The following TMEM163 variants were observed in gnomAD, a reference collection of about 807,000 sequenced individuals.
TMEM163 encodes the protein transmembrane protein 163.
Under a neutral mutation model 29.3 loss-of-function variants are expected in TMEM163, and 17 were observed. The observed-to-expected ratio is 0.58, with a 90% CI of 0.40 to 0.87. The LOEUF is 0.87. TMEM163 is among the 40% of genes least tolerant of loss of function. The pLI, the probability that TMEM163 is intolerant of heterozygous loss-of-function variation, is 0.00. For missense variants in TMEM163, 303 were observed against 381.5 expected (o/e 0.79, Z 1.71); for synonymous variants, 157 against 160.6 (o/e 0.98, Z 0.17).
intron 2 of TMEM163, among the ~76,000 whole-genome samples, chr2:134,582,836 G>A (rs979749196): frequency 6.6e-6 from 1 of 152,042 alleles, no homozygotes; most frequent in South Asian, 2.1e-4. Context: ...ATCCTGAGAG[G>A]AGGAAAGGTA....
intron 2 of TMEM163, among the ~76,000 whole-genome samples, chr2:134,572,863 T>G (rs2104786577): frequency 6.6e-6 from 1 of 152,362 alleles, no homozygotes; most frequent in South Asian, 2.1e-4. Context: ...TAAAAATGAT[T>G]GCTGCAGTGG....
intron 4 of TMEM163, among the ~76,000 whole-genome samples, chr2:134,524,575 T>C (rs1219722267): frequency 1.3e-5 from 2 of 149,830 alleles, no homozygotes; most frequent in African/African-American, 4.9e-5. Flanking sequence ...CCTCCCTGTG[T>C]CCATGTGTTC....
intron 1 of TMEM163, among the ~76,000 whole-genome samples, chr2:134,717,255 C>T (rs1486593472): frequency 6.6e-6 from 1 of 152,148 alleles, no homozygotes; most frequent in Non-Finnish European, 1.5e-5. Context: ...TTTTTAAATC[C>T]TACGATATTA....
chr2:134,566,353 G>A (rs1183711593), intron 2 of TMEM163, among the ~76,000 whole-genome samples: 1 of 152,146 alleles, frequency 6.6e-6, no homozygotes, highest in Non-Finnish European at 1.5e-5. Context: ...CACAAGGTCA[G>A]GAGTTCGAGA....
chr2:134,554,919 G>T (rs1055341925), intron 2 of TMEM163, among the ~76,000 whole-genome samples: 4 of 152,140 alleles, frequency 2.6e-5, no homozygotes, highest in African/African-American at 9.7e-5. Flanking sequence ...TCACAGAGAT[G>T]TATCATTTAC....
In TMEM163 at chr2:134,460,077, C is replaced by CT. The variant is rs200484522; in HGVS notation, c.668-1905_668-1904insA. ...CCTCGAGCCCCTTGCCAGATGTTACCCCCCCCCAAATTCATTCTCACTCTC... is the reference window on the plus strand; with the variant it reads ...CCTCGAGCCCCTTGCCAGATGTTACCTCCCCCCCAAATTCATTCTCACTCTC... On this transcript the variant is annotated intron_variant, in intron 6 of 7. Transcript: ENST00000281924. This position sits in a 1 kb window ranked among gnomAD's most constrained non-coding sequence, Gnocchi z 4.3. Among the ~76,000 whole-genome samples, 1 of 129,376 alleles carries CT rather than the reference C, an allele frequency of 7.7e-6. No homozygotes were observed. The highest frequency in any genetic ancestry group is 2.5e-4 in the East Asian group (1 of 3,980). The allele number at this position is 129,376 out of a possible 152,430, so 84.9% of individuals were successfully genotyped here.
chr2:134,457,789 A>C (rs115590971), intron 7 of TMEM163, among the ~76,000 whole-genome samples: 25 of 152,354 alleles, frequency 1.6e-4, no homozygotes, highest in Non-Finnish European at 3.5e-4. Context: ...GATGGAAATC[A>C]AGGAGTGCCT....
At chr2:134,512,413 T>C (rs1466361094) in intron 4 of TMEM163, among the ~76,000 whole-genome samples, 1 of 152,164 alleles carries the variant, frequency 6.6e-6, no homozygotes, top group East Asian at 1.9e-4. Flanking sequence ...GAGCTGAGAC[T>C]GCACCCCTGC....
At position 134,550,638 on chromosome 2, in the gene TMEM163, C is replaced by G. The variant is rs1574229846; in HGVS notation, c.390G>C (p.Leu130=). 4 of 1,614,216 alleles carry G rather than the reference C, an allele frequency of 2.5e-6. No homozygotes were observed. The highest frequency in any genetic ancestry group is 3.4e-6 in the Non-Finnish European group (4 of 1,180,022). The part of the protein sequence containing the change: ...GFAFDAILDV[L]SSAIVLWRYS... ...AACGCCACAGGACAATCGCCGATGA[C>G]AGGACGTCCAGGATGGCATCAAACT... The change falls in exon 4 of 8, where the codon CTG becomes CTC. Residue 130 remains leucine (L), a synonymous_variant. Coordinates refer to ENST00000281924, the MANE Select transcript of TMEM163 (RefSeq NM_030923.5).
intron 4 of TMEM163, among the ~76,000 whole-genome samples, chr2:134,536,422 C>T (rs1186045629): frequency 6.6e-6 from 1 of 152,100 alleles, no homozygotes. Context: ...CTCCTGAGTA[C>T]ATAGCACGCG....
intron 2 of TMEM163, among the ~76,000 whole-genome samples, chr2:134,696,925 G>A (rs139127720): frequency 2.0e-5 from 3 of 152,156 alleles, no homozygotes; most frequent in South Asian, 2.1e-4. Flanking sequence ...ACAGGCACCC[G>A]CCACCATGCC....
chr2:134,700,511 T>C (rs1459639640), intron 2 of TMEM163, among the ~76,000 whole-genome samples: 2 of 152,228 alleles, frequency 1.3e-5, no homozygotes, highest in East Asian at 3.8e-4. Flanking sequence ...ATTGTTCTTC[T>C]GACACTTCCA....
chr2:134,690,357 C>T (rs541100111), intron 2 of TMEM163, among the ~76,000 whole-genome samples: 2 of 152,008 alleles, frequency 1.3e-5, no homozygotes, highest in South Asian at 4.2e-4. Context: ...ATGATCTTGG[C>T]TCACTGTAAC....
intron 2 of TMEM163, among the ~76,000 whole-genome samples, chr2:134,570,906 G>A (rs1324118221): frequency 1.3e-5 from 2 of 152,150 alleles, no homozygotes; most frequent in Admixed American, 6.6e-5. Flanking sequence ...GACATCATTC[G>A]ACCCCATAAA....
chr2:134,705,146 G>T (rs953533485), intron 2 of TMEM163, among the ~76,000 whole-genome samples: 2 of 151,540 alleles, frequency 1.3e-5, no homozygotes, highest in Admixed American at 6.6e-5. Flanking sequence ...GGAGATGGAG[G>T]TTACAGTGAG....
intron 2 of TMEM163, among the ~76,000 whole-genome samples, chr2:134,696,212 A>G (rs543000019): frequency 3.2e-4 from 49 of 152,208 alleles, no homozygotes; most frequent in African/African-American, 1.2e-3. Flanking sequence ...CTGATGTGTG[A>G]TGCTACCTCT....
At position 134,530,237 on chromosome 2, in the gene TMEM163, G is replaced by A. The variant is rs145571802; in HGVS notation, c.458+20333C>T. On this transcript the variant is annotated intron_variant, in intron 4 of 7. Transcript: ENST00000281924. ...CTCTGATTCTACTCTCCAGAAGGCA[G>A]TTAGAGAAAAAAAATGCCCCCTTGA... Among the ~76,000 whole-genome samples the A allele has an allele frequency of 5.8e-3, 889 of 152,170 alleles. 10 individuals carry two copies. Among genetic ancestry groups the A allele is most frequent in the African/African-American group, 0.021 (853 of 41,522 alleles).
chr2:134,576,200 C>G (rs1485734917), intron 2 of TMEM163, among the ~76,000 whole-genome samples: 1 of 152,124 alleles, frequency 6.6e-6, no homozygotes, highest in African/African-American at 2.4e-5. Flanking sequence ...CGTGAGGATT[C>G]TGAAAAGTCC....
chr2:134,523,643 G>A (rs1402164208), intron 4 of TMEM163, among the ~76,000 whole-genome samples: 5 of 152,156 alleles, frequency 3.3e-5, no homozygotes, highest in African/African-American at 4.8e-5. Flanking sequence ...TACTCTGATC[G>A]TGGTGAGGCC....
Sources: gnomAD v4.1 joint callset for allele counts (sites outside exome capture counted in the v4.1 genomes callset) on GRCh38, gnomAD v4.1.1 for gene constraint, Gnocchi (gnomAD v3.1) non-coding constraint, MANE v1.5 for transcripts, NCBI Gene and HGNC (gene_info 2026-07-23, HGNC 2026-07-21) for gene names.